Variants in RCL1 observed in about 807,000 individuals in gnomAD.
RCL1 encodes the protein RNA terminal phosphate cyclase like 1, also known as RNA 3'-terminal phosphate cyclase-like protein.
A neutral mutation model predicts 42.4 loss-of-function variants in RCL1; 24 were observed. The ratio of observed to expected loss-of-function variants is 0.57; its 90% confidence interval spans 0.41 to 0.80. The LOEUF is 0.80. Among genes scored for constraint, RCL1 ranks in the 30% least tolerant of loss-of-function variants. RCL1 has a pLI of 0.00. For missense variants in RCL1, 578 were observed against 467.9 expected, an observed-to-expected ratio of 1.24 and a Z score of -2.17; for synonymous variants, 228 against 177.3, an observed-to-expected ratio of 1.29 and a Z score of -2.27.
At chr9:4,846,438 C>T (rs1441791617) in intron 7 of RCL1, among the ~76,000 whole-genome samples, 1 of 152,200 alleles carries the variant, frequency 6.6e-6, no homozygotes, top group Non-Finnish European at 1.5e-5. Flanking sequence ...GGTGCTAAAT[C>T]AGTTTACTTT....
rs73383265 is a variant in RCL1, at chr9:4,827,194, A to T, written c.384+161A>T. Reference sequence around the variant, plus strand: ...AGAGGTTAATCACTCCAGGAGGCAGATGAACCAAAACTTAGGATCATCAAA... The same window carrying T: ...AGAGGTTAATCACTCCAGGAGGCAGTTGAACCAAAACTTAGGATCATCAAA... On this transcript the variant is annotated intron_variant, in intron 3 of 8. Transcript: ENST00000381750. The T allele has an allele frequency of 1.4e-5, 22 of 1,542,080 alleles. No homozygotes were observed. In the African/African-American group the frequency reaches 2.9e-4, roughly 20 times the overall value.
chr9:4,823,944 G>C (rs1816676015), intron 2 of RCL1, among the ~76,000 whole-genome samples: 1 of 152,016 alleles, frequency 6.6e-6, no homozygotes, highest in Admixed American at 6.6e-5. Context: ...GAAAGACCCA[G>C]TTACCTCTCT....
At chr9:4,810,685 T>C (rs950365346) in intron 1 of RCL1, among the ~76,000 whole-genome samples, 10 of 152,228 alleles carry the variant, frequency 6.6e-5, no homozygotes, top group African/African-American at 2.4e-4. Flanking sequence ...GAATGCTGGA[T>C]CGTAGGGTGT....
chr9:4,857,917 G>A (rs910630822), intron 8 of RCL1, among the ~76,000 whole-genome samples: 11 of 131,998 alleles, frequency 8.3e-5, no homozygotes, highest in East Asian at 2.4e-4. Flanking sequence ...GGAAATATCC[G>A]TTTAGCTCTC....
chr9:4,834,095 A>G (rs375761110), intron 4 of RCL1, 46 bp from the exon 5 acceptor site: 133 of 1,594,700 alleles, frequency 8.3e-5, no homozygotes, highest in Non-Finnish European at 1.1e-4. Context: ...AGGGTAATCC[A>G]TTGCTTTGCT....
At chr9:4,831,956 G>A (rs1002736471) in intron 3 of RCL1, among the ~76,000 whole-genome samples, 2 of 152,218 alleles carry the variant, frequency 1.3e-5, no homozygotes, top group African/African-American at 2.4e-5. Context: ...TAGAAGCAGA[G>A]CTGGGACCAG....
intron 7 of RCL1, among the ~76,000 whole-genome samples, chr9:4,848,878 T>G (rs1365999307): frequency 6.6e-6 from 1 of 152,168 alleles, no homozygotes; most frequent in African/African-American, 2.4e-5. Context: ...TTAACAAGTC[T>G]TCAGTTTTAA....
intron 8 of RCL1, among the ~76,000 whole-genome samples, chr9:4,858,586 C>A (rs2044978067): frequency 6.6e-6 from 1 of 152,116 alleles, no homozygotes. Context: ...CTGTGGATAT[C>A]CAGTTGTTCC....
chr9:4,849,678 G>T, intron 8 of RCL1, 128 bp downstream of exon 8: 1 of 661,760 alleles, frequency 1.5e-6, no homozygotes, highest in Non-Finnish European at 2.7e-6. Context: ...CCTCAAATCA[G>T]CCAGCAGTTG....
At chr9:4,829,083 C>A (rs1222152429) in intron 3 of RCL1, among the ~76,000 whole-genome samples, 1 of 152,186 alleles carries the variant, frequency 6.6e-6, no homozygotes, top group Non-Finnish European at 1.5e-5. Flanking sequence ...TTAACAAACT[C>A]CTAGTCTCGT....
chr9:4,841,520 G>A (rs148133899), intron 6 of RCL1, among the ~76,000 whole-genome samples, 163 bp downstream of exon 6: 23 of 152,314 alleles, frequency 1.5e-4, no homozygotes, highest in African/African-American at 5.3e-4. Context: ...GGCATTTCTT[G>A]AGTGCCTGTC....
intron 8 of RCL1, among the ~76,000 whole-genome samples, chr9:4,856,837 A>G (rs972142951): frequency 1.3e-5 from 2 of 152,190 alleles, no homozygotes; most frequent in African/African-American, 4.8e-5. Context: ...TTAATGTTTC[A>G]TCTCTTAGCC....
intron 1 of RCL1, among the ~76,000 whole-genome samples, chr9:4,810,811 GT>G (rs1189599667): frequency 6.6e-6 from 1 of 152,090 alleles, no homozygotes; most frequent in African/African-American, 2.4e-5. Flanking sequence ...ATTTTAACCA[GT>G]TTTGTAGGTG....
At position 4,860,781 on chromosome 9, in the gene RCL1, T is replaced by C. The variant is rs958288894; in HGVS notation, c.*506T>C. Reference sequence around the variant, plus strand: ...TGCAGTGCTAAGCAAATGTCAGAAATTGGTGTATTAGACTATTTATCTTTG... The same window carrying C: ...TGCAGTGCTAAGCAAATGTCAGAAACTGGTGTATTAGACTATTTATCTTTG... On this transcript the variant is annotated 3_prime_UTR_variant, in exon 9 of 9. Transcript: ENST00000381750. 1 of 152,470 alleles carries C rather than the reference T, an allele frequency of 6.6e-6. No homozygotes were observed. Among genetic ancestry groups the C allele is most frequent in the Non-Finnish European group, 1.5e-5 (1 of 68,284 alleles). The allele number at this position is 152,470 out of a possible 1,614,324, so 9.4% of individuals were successfully genotyped here.
chr9:4,826,998 C>A lies in RCL1; in HGVS notation c.349C>A (p.Leu117Ile), dbSNP rs1816785226. Reference sequence around the variant, plus strand: ...TATGAAGCACCCGTTAAAAATAGTTCTACGAGGAGTGACCAATGATCAGGT... The same window carrying A: ...TATGAAGCACCCGTTAAAAATAGTTATACGAGGAGTGACCAATGATCAGGT... The part of the protein sequence containing the change: ...PFMKHPLKIV[L>I]RGVTNDQVDP... The change falls in exon 3 of 9, where the codon CTA (leucine) becomes ATA (isoleucine). Residue 117 changes from leucine (L) to isoleucine (I), a missense_variant. Physicochemically the swap from Leu to Ile is conservative, Grantham distance 5. Transcript: ENST00000381750. 2 of 1,614,032 alleles carry A rather than the reference C, an allele frequency of 1.2e-6. No homozygotes were observed. Among genetic ancestry groups the A allele is most frequent in the Admixed American group, 1.7e-5 (1 of 60,006 alleles).
chr9:4,819,647 AAATAC>A (rs1342298879), intron 1 of RCL1, among the ~76,000 whole-genome samples: 4 of 152,150 alleles, frequency 2.6e-5, no homozygotes, highest in Non-Finnish European at 4.4e-5. Flanking sequence ...TCTCTACTGA[AAATAC>A]AAAAATTAGC....
At chr9:4,800,683 C>T (rs1337517564) in intron 1 of RCL1, among the ~76,000 whole-genome samples, 11 of 136,696 alleles carry the variant, frequency 8.0e-5, no homozygotes, top group East Asian at 2.1e-4. Context: ...GATGGAATCT[C>T]GCTCTGACTT....
chr9:4,839,982 G>T, intron 5 of RCL1: 1 of 804,656 alleles, frequency 1.2e-6, no homozygotes, highest in Non-Finnish European at 1.5e-6. Flanking sequence ...AGTTTGGATG[G>T]GTGGAAGGAG....
At chr9:4,807,242 C>G (rs1224484458) in intron 1 of RCL1, among the ~76,000 whole-genome samples, 3 of 152,112 alleles carry the variant, frequency 2.0e-5, no homozygotes, top group Non-Finnish European at 4.4e-5. Context: ...ATTTTTCTAT[C>G]TTGCTTTTCA....
Sources: allele counts gnomAD v4.1 joint callset (sites outside exome capture counted in the v4.1 genomes callset), GRCh38; gene constraint gnomAD v4.1.1; transcripts MANE v1.5; gene names NCBI Gene and HGNC (gene_info 2026-07-23, HGNC 2026-07-21).